The following UBR3 variants were observed in gnomAD, a reference collection of about 807,000 sequenced individuals.
UBR3 encodes E3 ubiquitin-protein ligase UBR3.
Under a neutral mutation model 243.2 loss-of-function variants are expected in UBR3, and 85 were observed. The ratio of observed to expected loss-of-function variants is 0.35; its 90% CI spans 0.29 to 0.42. UBR3 has a LOEUF of 0.42. Among genes scored for constraint, UBR3 ranks in the 10% least tolerant of loss-of-function variants. The pLI is 1.00. For synonymous variants in UBR3, 748 were observed against 799.8 expected (o/e 0.94, Z 1.09); for missense variants, 1,686 against 2,300.8 (o/e 0.73, Z 5.47).
At chr2:169,983,252 C>CTTTTTTTTTTTTT (rs72194627) in intron 24 of UBR3, among the ~76,000 whole-genome samples, 10 of 72,000 alleles carry the variant, frequency 1.4e-4, no homozygotes, top group African/African-American at 5.9e-4. Flanking sequence ...ATTCTCTCTC[C>CTTTTTTTTTTTTT]TTTTTTTTTT....
At chr2:170,012,436 T>G (rs369497828) in intron 29 of UBR3, among the ~76,000 whole-genome samples, 20 of 152,256 alleles carry the variant, frequency 1.3e-4, no homozygotes, top group African/African-American at 4.8e-4. Flanking sequence ...CTCCATGAAT[T>G]TACAGTTTAG....
At chr2:169,867,141 A>G (rs2083289417) in intron 1 of UBR3, among the ~76,000 whole-genome samples, 1 of 152,206 alleles carries the variant, frequency 6.6e-6, no homozygotes, top group African/African-American at 2.4e-5. Context: ...TAAAATTCAA[A>G]CATTATACGT....
At chr2:170,016,828 T>G in intron 30 of UBR3, 3 of 790,984 alleles carry the variant, frequency 3.8e-6, no homozygotes, top group Non-Finnish European at 4.9e-6. Flanking sequence ...AATTTATACT[T>G]TCAGACTTTT....
chr2:169,919,257 T>G (rs2085593220), intron 11 of UBR3, among the ~76,000 whole-genome samples: 1 of 152,110 alleles, frequency 6.6e-6, no homozygotes, highest in Non-Finnish European at 1.5e-5. Flanking sequence ...CATTAAAAGA[T>G]TGTGAGTGGA....
intron 23 of UBR3, among the ~76,000 whole-genome samples, chr2:169,953,258 T>A (rs1476691721): frequency 6.6e-6 from 1 of 152,238 alleles, no homozygotes; most frequent in Non-Finnish European, 1.5e-5. Context: ...AGCTAAGGAT[T>A]AAGATGACTC....
chr2:169,857,961 C>T (rs953881306), intron 1 of UBR3, among the ~76,000 whole-genome samples: 2 of 152,146 alleles, frequency 1.3e-5, no homozygotes, highest in African/African-American at 4.8e-5. Flanking sequence ...GAATGAGTGT[C>T]CAGCTTTTGT....
chr2:169,873,333 A>G (rs979597845), intron 2 of UBR3, among the ~76,000 whole-genome samples: 2 of 152,184 alleles, frequency 1.3e-5, no homozygotes, highest in South Asian at 2.1e-4. Flanking sequence ...AAAATATACA[A>G]TCCTTTGTTA....
chr2:169,938,455 C>A (rs2086434233), intron 19 of UBR3, among the ~76,000 whole-genome samples: 1 of 151,810 alleles, frequency 6.6e-6, no homozygotes, highest in African/African-American at 2.4e-5. Flanking sequence ...GAGATGGGGT[C>A]TCTACATGTG....
In UBR3 at chr2:170,043,567, A is replaced by C. The variant is rs532459917; in HGVS notation, c.4660+2582A>C. On this transcript the variant is annotated intron_variant, in intron 32 of 38. Transcript: ENST00000272793. ...TTGTTAATAATCATGCCTTAAAGTA[A>C]TATCATTAAAGAAGAGTTTCTTGGA... Among the ~76,000 whole-genome samples, 6 of 152,324 alleles carry C rather than the reference A, an allele frequency of 3.9e-5. No homozygotes were observed. The East Asian group carries it at 9.6e-4, about 24-fold the overall frequency.
rs967850925 is a variant in UBR3, at chr2:170,076,659, A to T, written c.5199+3052A>T. Among the ~76,000 whole-genome samples, 3 of 152,244 alleles carry T rather than the reference A, an allele frequency of 2.0e-5. No homozygotes were observed. In the East Asian group the frequency reaches 5.8e-4, roughly 29 times the overall value. Reference sequence around the variant, plus strand: ...AAGTAGTCATAAAGCTGCAGCTAATATACAGTCAAATATATATGACTTTCT... The same window carrying T: ...AAGTAGTCATAAAGCTGCAGCTAATTTACAGTCAAATATATATGACTTTCT... On this transcript the variant is annotated intron_variant, in intron 36 of 38. Coordinates refer to ENST00000272793, the MANE Select transcript of UBR3 (RefSeq NM_172070.4).
chr2:169,882,411 T>G (rs1233684337), intron 5 of UBR3, among the ~76,000 whole-genome samples: 1 of 144,788 alleles, frequency 6.9e-6, no homozygotes, highest in Non-Finnish European at 1.5e-5. Context: ...TAAAATAAGG[T>G]GTTTGCTTTA....
At chr2:169,961,985 C>T (rs895691345) in intron 24 of UBR3, among the ~76,000 whole-genome samples, 3 of 150,384 alleles carry the variant, frequency 2.0e-5, no homozygotes, top group African/African-American at 4.9e-5. Flanking sequence ...AAGTGCATGA[C>T]CTATATGGCA....
At chr2:170,044,237 G>A (rs898729873) in intron 32 of UBR3, among the ~76,000 whole-genome samples, 4 of 152,084 alleles carry the variant, frequency 2.6e-5, no homozygotes, top group Non-Finnish European at 4.4e-5. Flanking sequence ...GTTATTGTTT[G>A]TTATTAGAAG....
At chr2:169,986,526 C>T in intron 24 of UBR3, 119 bp from the exon 25 acceptor site, 1 of 861,314 alleles carries the variant, frequency 1.2e-6, no homozygotes, top group South Asian at 1.9e-5. Flanking sequence ...AGTTTTATTA[C>T]TGTATACTTT....
At chr2:170,049,658 T>C (rs929189195) in intron 32 of UBR3, among the ~76,000 whole-genome samples, 2 of 152,232 alleles carry the variant, frequency 1.3e-5, no homozygotes, top group African/African-American at 4.8e-5. Flanking sequence ...ATGATGGTCC[T>C]TTACCTTGTG....
intron 10 of UBR3, 106 bp from the exon 11 acceptor site, chr2:169,913,954 A>G (rs1272075634): frequency 6.9e-6 from 3 of 437,580 alleles, no homozygotes; most frequent in Non-Finnish European, 3.6e-6. Context: ...AAATCTATAC[A>G]TTTTACCATT....
At chr2:170,066,360 G>C (rs1276054448) in intron 35 of UBR3, among the ~76,000 whole-genome samples, 1 of 152,056 alleles carries the variant, frequency 6.6e-6, no homozygotes, top group African/African-American at 2.4e-5. Context: ...AAATGAATCT[G>C]TCTCATTTAT....
intron 24 of UBR3, among the ~76,000 whole-genome samples, chr2:169,960,037 G>A (rs536935913): frequency 8.5e-5 from 13 of 152,084 alleles, no homozygotes; most frequent in Admixed American, 5.9e-4. Flanking sequence ...GATCACTTGA[G>A]GTCAGGAGTT....
rs1023462967 is a variant in UBR3, at chr2:169,827,538, G to C, written c.31G>C (p.Gly11Arg). 1 of 1,231,326 alleles carries C rather than the reference G, an allele frequency of 8.1e-7. No individual in the cohort carries two copies. Among genetic ancestry groups the C allele is most frequent in the African/African-American group, 1.6e-5 (1 of 63,652 alleles). The allele number at this position is 1,231,326 out of a possible 1,614,324, so 76.3% of individuals were successfully genotyped here. Reference protein sequence around the residue: MAAAAAAAVGGQQPSQPELPA... With the variant: MAAAAAAAVGRQQPSQPELPA... ...GGCGGCGGCCGCGGCGGCCGTCGGGGGCCAGCAGCCGTCACAGCCCGAGCT... is the reference window on the plus strand; with the variant it reads ...GGCGGCGGCCGCGGCGGCCGTCGGGCGCCAGCAGCCGTCACAGCCCGAGCT... Residue 11 changes from glycine (G) to arginine (R), a missense_variant, in exon 1 of 39, where the codon GGC becomes CGC. Physicochemically the swap from Gly to Arg is moderately radical, Grantham distance 125. Transcript: ENST00000272793.
Sources: allele counts gnomAD v4.1 joint callset (sites outside exome capture counted in the v4.1 genomes callset), GRCh38; gene constraint gnomAD v4.1.1; transcripts MANE v1.5; gene names NCBI Gene and HGNC (gene_info 2026-07-23, HGNC 2026-07-21).